Variants in PLAAT1 observed in about 807,000 individuals in gnomAD.
PLAAT1 encodes the protein H-REV107 protein-related protein.
A neutral mutation model predicts 16.4 loss-of-function variants in PLAAT1; 13 were observed. That is an observed-to-expected ratio of 0.79 (90% CI 0.52 to 1.26). The LOEUF (loss-of-function observed/expected upper bound fraction) is 1.26. PLAAT1 is among the 50% of genes most tolerant of loss of function. The pLI, the probability that PLAAT1 is intolerant of heterozygous loss-of-function variation, is 0.00. For missense variants in PLAAT1, 218 were observed against 207.8 expected, an observed-to-expected ratio of 1.05 and a Z score of -0.30; for synonymous variants, 73 against 78.4, an observed-to-expected ratio of 0.93 and a Z score of 0.36.
rs965862010 is a variant in PLAAT1 at position 193,241,232 on chromosome 3, C to G, written c.-302C>G. On this transcript the variant is annotated 5_prime_UTR_variant, in exon 1 of 4. Coordinates refer to ENST00000264735, the MANE Select transcript of PLAAT1 (RefSeq NM_020386.5). ...GGGCGGCTCCCCATGGTCAGAGCCT[C>G]GTGCCGGCTCGGCAGCGCCCGGACG... 1.6e-6 allele frequency: 2 copies of G among 1,224,876 alleles called. No individual in the cohort carries two copies. Among genetic ancestry groups the G allele is most frequent in the East Asian group, 3.2e-5 (1 of 31,120 alleles). 75.9% of individuals were successfully genotyped at this position (1,224,876 alleles called of 1,614,324 possible).
intron 1 of PLAAT1, 32 bp downstream of exon 1, chr3:193,241,565 G>T (rs1050196263): frequency 1.6e-6 from 2 of 1,228,706 alleles, no homozygotes; most frequent in Admixed American, 8.4e-5. Flanking sequence ...AGGACCTCGA[G>T]GCGCCCCGGC....
chr3:193,248,818 T>G (rs780497578), intron 1 of PLAAT1, among the ~76,000 whole-genome samples: 5 of 152,168 alleles, frequency 3.3e-5, no homozygotes, highest in Non-Finnish European at 7.4e-5. Context: ...AACCTTTATA[T>G]TAGAGATATA....
At chr3:193,270,847 ATTATC>A in exon 4 of PLAAT1, 1 of 1,343,120 alleles carries the variant, frequency 7.4e-7, no homozygotes. Context: ...GCTTACTGAT[ATTATC>A]TTATCATTGA....
At chr3:193,250,904 A>G (rs1716168480) in intron 1 of PLAAT1, among the ~76,000 whole-genome samples, 1 of 151,562 alleles carries the variant, frequency 6.6e-6, no homozygotes, top group African/African-American at 2.4e-5. Context: ...AGTCAAGGGA[A>G]AAGGTTTGGG....
intron 1 of PLAAT1, among the ~76,000 whole-genome samples, chr3:193,253,431 G>T (rs146936014): frequency 6.6e-6 from 1 of 152,108 alleles, no homozygotes; most frequent in Non-Finnish European, 1.5e-5. Context: ...CATAAACCAT[G>T]TACCAATCTC....
At chr3:193,246,889 G>A (rs923109422) in intron 1 of PLAAT1, among the ~76,000 whole-genome samples, 1 of 152,134 alleles carries the variant, frequency 6.6e-6, no homozygotes, top group Admixed American at 6.5e-5. Flanking sequence ...TAAGCTCTGA[G>A]GTAGTCCCTG....
chr3:193,277,167 G>A (rs1052059363), intron 2 of PLAAT1, among the ~76,000 whole-genome samples: 1 of 152,258 alleles, frequency 6.6e-6, no homozygotes, highest in South Asian at 2.1e-4. Context: ...AGAAGGCTAA[G>A]ATTAAATCAT....
In PLAAT1 at chr3:193,255,753, T is replaced by C; in HGVS notation, c.103T>C (p.Leu35=). ...TGGCTATCAGCACTGGGCCCTGTAC[T>C]TGGGTGATGGTTACGTTATCAACAT... is the stretch of plus-strand genomic sequence containing the variant. The part of the protein sequence containing the change: ...RPGYQHWALY[L]GDGYVINIAP... The change falls in exon 2 of 4, where the codon TTG becomes CTG. Residue 35 remains leucine, a synonymous_variant. Transcript: ENST00000264735. 6.2e-7 allele frequency: 1 copy of C among 1,611,686 alleles called. No homozygotes were observed. Among genetic ancestry groups the C allele is most frequent in the Non-Finnish European group, 8.5e-7 (1 of 1,178,598 alleles).
chr3:193,252,765 A>G (rs947143611), intron 1 of PLAAT1, among the ~76,000 whole-genome samples: 3 of 152,178 alleles, frequency 2.0e-5, no homozygotes, highest in Admixed American at 6.6e-5. Context: ...TTGTTTGTCT[A>G]TGGATGTCTA....
Position 193,255,644 on chromosome 3 carries a change from A to T in PLAAT1, c.1-7A>T, listed in dbSNP as rs763205363. On this transcript the variant is annotated splice_region_variant and splice_polypyrimidine_tract_variant and intron_variant, in intron 1 of 3. Transcript: ENST00000264735. Reference sequence around the variant, plus strand: ...TAGCTAGCTCTTCTTTGTATTTGTCATTGCAGATGGCGTTTAATGATTGCT... The same window carrying T: ...TAGCTAGCTCTTCTTTGTATTTGTCTTTGCAGATGGCGTTTAATGATTGCT... 2.5e-6 allele frequency: 4 copies of T among 1,599,734 alleles called. No homozygotes were observed.
At chr3:193,262,338 G>A (rs369642328) in intron 2 of PLAAT1, among the ~76,000 whole-genome samples, 3 of 109,760 alleles carry the variant, frequency 2.7e-5, no homozygotes, top group African/African-American at 1.0e-4. Flanking sequence ...AGGACTTAGG[G>A]GGCTTTTTTT....
downstream of PLAAT1, among the ~76,000 whole-genome samples, chr3:193,279,138 T>G (rs1717362398): frequency 6.6e-6 from 1 of 152,162 alleles, no homozygotes; most frequent in Non-Finnish European, 1.5e-5. Flanking sequence ...CAAACAATAT[T>G]TCAGGTAGGT....
chr3:193,249,461 T>G (rs1032526104), intron 1 of PLAAT1, among the ~76,000 whole-genome samples: 1 of 152,198 alleles, frequency 6.6e-6, no homozygotes, highest in East Asian at 1.9e-4. Flanking sequence ...ATCATTTTAC[T>G]CAATGTCATT....
intron 2 of PLAAT1, chr3:193,276,926 T>C (rs1294025674): frequency 9.5e-6 from 9 of 942,458 alleles, no homozygotes; most frequent in Non-Finnish European, 1.4e-5. Context: ...GTAATAACTC[T>C]CTGAGCTTAG....
chr3:193,255,684 C>T lies in PLAAT1; in HGVS notation c.34C>T (p.Pro12Ser). 6.2e-7 allele frequency: 1 copy of T among 1,612,178 alleles called. No individual in the cohort carries two copies. Among genetic ancestry groups the T allele is most frequent in the Non-Finnish European group, 8.5e-7 (1 of 1,178,864 alleles). Residue 12 changes from proline to serine, a missense_variant, in exon 2 of 4, where the codon CCT (proline) becomes TCT (serine). Coordinates refer to ENST00000264735, the MANE Select transcript of PLAAT1 (RefSeq NM_020386.5). Reference sequence around the variant, plus strand: ...TAATGATTGCTTCAGTTTGAACTACCCTGGCAACCCCTGCCCAGGGGACTT... The same window carrying T: ...TAATGATTGCTTCAGTTTGAACTACTCTGGCAACCCCTGCCCAGGGGACTT... ...AFNDCFSLNYPGNPCPGDLIE... is the reference protein window; with the variant it reads ...AFNDCFSLNYSGNPCPGDLIE...
chr3:193,243,976 T>C (rs1045909720), intron 1 of PLAAT1, among the ~76,000 whole-genome samples: 6 of 152,244 alleles, frequency 3.9e-5, no homozygotes, highest in African/African-American at 1.4e-4. Flanking sequence ...TGTGTGACCC[T>C]TTGGCATTGT....
At chr3:193,261,873 A>G (rs1038925910) in intron 2 of PLAAT1, among the ~76,000 whole-genome samples, 1 of 152,224 alleles carries the variant, frequency 6.6e-6, no homozygotes, top group African/African-American at 2.4e-5. Context: ...TAACTGGGAT[A>G]TATATGCTCT....
intron 2 of PLAAT1, among the ~76,000 whole-genome samples, chr3:193,262,603 A>G (rs1417226153): frequency 6.6e-6 from 1 of 152,140 alleles, no homozygotes; most frequent in Middle Eastern, 3.2e-3. Context: ...CCTTATAGAA[A>G]AAGTGGACAA....
At chr3:193,280,307 C>A (rs913245222), downstream of PLAAT1, among the ~76,000 whole-genome samples, 1 of 152,154 alleles carries the variant, frequency 6.6e-6, no homozygotes, top group African/African-American at 2.4e-5. Flanking sequence ...CCGCCTCGGC[C>A]TCCCAAAGTG....
Sources: allele counts gnomAD v4.1 joint callset (sites outside exome capture counted in the v4.1 genomes callset), GRCh38; gene constraint gnomAD v4.1.1; transcripts MANE v1.5; gene names NCBI Gene and HGNC (gene_info 2026-07-23, HGNC 2026-07-21).